Variants in PRKN observed in about 807,000 individuals in gnomAD.
PRKN encodes the protein parkin RBR E3 ubiquitin protein ligase.
PRKN carries 56 observed loss-of-function variants against 59.5 expected under a neutral mutation model. That is an observed-to-expected ratio of 0.94 (90% CI 0.76 to 1.18). The LOEUF (loss-of-function observed/expected upper bound fraction) is 1.18, where lower values mean the gene tolerates loss of function less well. PRKN is among the 50% of genes most tolerant of loss of function. The pLI is 0.00. For missense variants in PRKN, 657 were observed against 596.4 expected (o/e 1.10, Z -1.06); for synonymous variants, 250 against 222.1 (o/e 1.13, Z -1.12).
chr6:162,133,599 G>GTA lies in PRKN; in HGVS notation c.534+67530_534+67531dup, dbSNP rs145703563. 4.3e-3 allele frequency among the ~76,000 whole-genome samples: 658 copies of GTA among 152,258 alleles called. 5 individuals are homozygous for GTA. The highest frequency in any genetic ancestry group is 0.015 in the African/African-American group (639 of 41,562). ...AAATATCAATTTTGTAGTCATCCAT[G>GTA]TATAATATCACAGAAAGCCATGGGC... is the stretch of plus-strand genomic sequence containing the variant. On this transcript the variant is annotated intron_variant, in intron 4 of 11. Coordinates refer to ENST00000366898, the MANE Select transcript of PRKN (RefSeq NM_004562.3).
rs1790008903 is a variant in PRKN at position 161,777,806 on chromosome 6, ATG to A, written c.871+7964_871+7965del. ...ATATGTATATATGATATATGTATATATGTATATATGTGTATATATGTATATGT... is the reference window on the plus strand; with the variant it reads ...ATATGTATATATGATATATGTATATATATATATGTGTATATATGTATATGT... On this transcript the variant is annotated intron_variant, in intron 7 of 11. Transcript: ENST00000366898. 1.5e-5 allele frequency among the ~76,000 whole-genome samples: 2 copies of A among 135,996 alleles called. 1 individual carries two copies. The highest frequency in any genetic ancestry group is 6.5e-5 in the African/African-American group (2 of 30,986). 89.2% of individuals were successfully genotyped at this position (135,996 alleles called of 152,430 possible).
intron 2 of PRKN, among the ~76,000 whole-genome samples, chr6:162,415,885 G>A (rs1364685675): frequency 6.6e-6 from 1 of 152,148 alleles, no homozygotes; most frequent in Non-Finnish European, 1.5e-5. Flanking sequence ...AGACTATTCT[G>A]ACTAATGGGA....
At chr6:162,338,927 G>A (rs1378317066) in intron 2 of PRKN, among the ~76,000 whole-genome samples, 5 of 149,392 alleles carry the variant, frequency 3.3e-5, no homozygotes, top group Non-Finnish European at 6.0e-5. Context: ...TGTGAGGAGC[G>A]CCTCTGCCCG....
chr6:162,624,098 AT>A (rs35735500), intron 1 of PRKN, among the ~76,000 whole-genome samples: 38,518 of 151,778 alleles, frequency 0.25, 5,953 homozygotes, highest in Non-Finnish European at 0.36. Context: ...AATATACAAA[AT>A]TAACTGGGCA....
At chr6:162,049,489 CCTTCA>C (rs1442810536) in intron 5 of PRKN, among the ~76,000 whole-genome samples, 1 of 152,002 alleles carries the variant, frequency 6.6e-6, no homozygotes, top group East Asian at 1.9e-4. Context: ...ACCTTCAGTC[CCTTCA>C]CTTAACAGGC....
intron 1 of PRKN, among the ~76,000 whole-genome samples, chr6:162,493,101 A>C (rs930171846): frequency 1.3e-5 from 2 of 152,066 alleles, no homozygotes; most frequent in African/African-American, 2.4e-5. Context: ...GTTTTATACC[A>C]GCCTATCTCT....
chr6:161,724,290 G>A (rs971987008), intron 7 of PRKN, among the ~76,000 whole-genome samples: 2 of 152,178 alleles, frequency 1.3e-5, no homozygotes, highest in African/African-American at 4.8e-5. Flanking sequence ...CAAGGATATT[G>A]CAACTTTCTA....
rs570170902 is a variant in PRKN at position 162,478,532 on chromosome 6, G to C, written c.8-35059C>G. On this transcript the variant is annotated intron_variant, in intron 1 of 11. Coordinates refer to ENST00000366898, the MANE Select transcript of PRKN (RefSeq NM_004562.3). Reference sequence around the variant, plus strand: ...CTTGGAGAGACAGAGAGAAGAGCAAGAGCATTCTAATAAGCAGGTGTCTGT... The same window carrying C: ...CTTGGAGAGACAGAGAGAAGAGCAACAGCATTCTAATAAGCAGGTGTCTGT... 3.9e-5 allele frequency among the ~76,000 whole-genome samples: 6 copies of C among 152,334 alleles called. No individual in the cohort carries two copies. In the South Asian group the frequency reaches 1.0e-3, roughly 26 times the overall value.
intron 1 of PRKN, among the ~76,000 whole-genome samples, chr6:162,554,743 C>G (rs1013355392): frequency 1.3e-5 from 2 of 151,964 alleles, no homozygotes; most frequent in Admixed American, 1.3e-4. Flanking sequence ...ATGGCCTTGC[C>G]GGAGCCAGGC....
intron 9 of PRKN, among the ~76,000 whole-genome samples, chr6:161,432,221 CTA>C (rs1392564569): frequency 1.3e-4 from 20 of 152,218 alleles, no homozygotes; most frequent in African/African-American, 4.6e-4. Flanking sequence ...AATGAATATT[CTA>C]TGTCATTCTG....
chr6:162,339,602 G>T (rs1454384911), intron 2 of PRKN, among the ~76,000 whole-genome samples: 4 of 151,782 alleles, frequency 2.6e-5, no homozygotes, highest in Non-Finnish European at 4.4e-5. Context: ...GAAGTGAGGA[G>T]CCCCTCTGCC....
chr6:161,912,609 T>TA (rs1429176229), intron 6 of PRKN, among the ~76,000 whole-genome samples: 9 of 151,948 alleles, frequency 5.9e-5, no homozygotes, highest in Admixed American at 5.2e-4. Flanking sequence ...CACGTGGAGA[T>TA]AGAGAGCCCT....
rs373703677 is a variant in PRKN at position 161,352,726 on chromosome 6, A to AGTGTGT, written c.1286-2521_1286-2516dup. On this transcript the variant is annotated intron_variant, in intron 11 of 11. Coordinates refer to ENST00000366898, the MANE Select transcript of PRKN (RefSeq NM_004562.3). The surrounding 1 kb of genome is among the most constrained non-coding windows in gnomAD (Gnocchi z 5.8). ...TATATAAACACAAATATGTATGAAG[A>AGTGTGT]GTGTGTGTGTGTGTGTGTGTGTGTG... Among the ~76,000 whole-genome samples, 157 of 128,516 alleles carry AGTGTGT rather than the reference A, an allele frequency of 1.2e-3. No individual in the cohort carries two copies. The highest frequency in any genetic ancestry group is 3.8e-3 in the South Asian group (14 of 3,694). 84.3% of individuals were successfully genotyped at this position (128,516 alleles called of 152,430 possible).
rs190212083 is a variant in PRKN at position 162,710,740 on chromosome 6, T to C, written c.7+16922A>G. 7.0e-4 allele frequency among the ~76,000 whole-genome samples: 107 copies of C among 152,114 alleles called. 1 individual carries two copies. The highest frequency in any genetic ancestry group is 1.0e-3 in the Non-Finnish European group (68 of 67,990). On this transcript the variant is annotated intron_variant, in intron 1 of 11. Transcript: ENST00000366898. ...CTGCCCACTATAATAGCATCACCTG[T>C]TTGATGGAGCTACAAAGTACTTTAA... is the stretch of plus-strand genomic sequence containing the variant.
At chr6:161,424,455 T>A (rs1178273756) in intron 9 of PRKN, among the ~76,000 whole-genome samples, 1 of 152,122 alleles carries the variant, frequency 6.6e-6, no homozygotes, top group Non-Finnish European at 1.5e-5. Context: ...GGAAGGCTTT[T>A]ATGGAGTGAA....
chr6:161,882,199 A>G (rs1026686625), intron 6 of PRKN, among the ~76,000 whole-genome samples: 1 of 152,254 alleles, frequency 6.6e-6, no homozygotes, highest in Non-Finnish European at 1.5e-5. Context: ...TGTAAATAAC[A>G]GCATCACCTG....
At chr6:161,585,427 C>G (rs757771783) in intron 7 of PRKN, among the ~76,000 whole-genome samples, 10 of 152,222 alleles carry the variant, frequency 6.6e-5, no homozygotes, top group Non-Finnish European at 1.3e-4. Flanking sequence ...TAGATGAGCT[C>G]TTAGAAAACA....
At chr6:162,116,589 G>A (rs1780683150) in intron 4 of PRKN, among the ~76,000 whole-genome samples, 1 of 152,140 alleles carries the variant, frequency 6.6e-6, no homozygotes, top group Non-Finnish European at 1.5e-5. Flanking sequence ...TCCTGTATAC[G>A]TTTACGCTGC....
chr6:162,719,851 GA>G (rs1192707598), intron 1 of PRKN, among the ~76,000 whole-genome samples: 2 of 139,748 alleles, frequency 1.4e-5, no homozygotes, highest in African/African-American at 5.2e-5. Flanking sequence ...ATGTGGGTAA[GA>G]AAAAAATGAG....
Sources: gnomAD v4.1 joint callset for allele counts (sites outside exome capture counted in the v4.1 genomes callset) on GRCh38, gnomAD v4.1.1 for gene constraint, Gnocchi (gnomAD v3.1) non-coding constraint, MANE v1.5 for transcripts, NCBI Gene and HGNC (gene_info 2026-07-23, HGNC 2026-07-21) for gene names.